Variants in NSUN6 observed in about 807,000 individuals in gnomAD.
NSUN6 encodes the protein tRNA (cytosine(72)-C(5))-methyltransferase NSUN6.
A neutral mutation model predicts 58.0 loss-of-function variants in NSUN6; 64 were observed. The ratio of observed to expected loss-of-function variants is 1.10; its 90% CI spans 0.90 to 1.36. NSUN6 has a LOEUF of 1.36. NSUN6 is among the 40% of genes most tolerant of loss of function. The pLI, the probability that NSUN6 is intolerant of heterozygous loss-of-function variation, is 0.00. For synonymous variants in NSUN6, 231 were observed against 193.9 expected, an observed-to-expected ratio of 1.19 and a Z score of -1.59; for missense variants, 701 against 550.1, an observed-to-expected ratio of 1.27 and a Z score of -2.74.
chr10:18,601,569 A>G (rs923757475), intron 6 of NSUN6, among the ~76,000 whole-genome samples: 1 of 152,178 alleles, frequency 6.6e-6, no homozygotes, highest in Non-Finnish European at 1.5e-5. Context: ...TAGGAGCAGG[A>G]AACAGGGCAC....
At chr10:18,574,927 G>A (rs938256262) in intron 8 of NSUN6, among the ~76,000 whole-genome samples, 5 of 152,048 alleles carry the variant, frequency 3.3e-5, no homozygotes, top group African/African-American at 1.2e-4. Context: ...CAGCAGATCA[G>A]GTAGCCAAGC....
Position 18,651,184 on chromosome 10 carries a change from A to G in NSUN6, c.20T>C (p.Ile7Thr). The G allele has an allele frequency of 6.4e-7, 1 of 1,573,910 alleles. No homozygotes were observed. The change falls in exon 1 of 11, where the codon ATA (isoleucine) becomes ACA (threonine). Residue 7 changes from isoleucine to threonine, a missense_variant. Transcript: ENST00000377304. Reference sequence around the variant, plus strand: ...GTTTTCAACCTCAGGTCTCAAAGATATCTTAGGGAAAATAGACATTTTTCC... The same window carrying G: ...GTTTTCAACCTCAGGTCTCAAAGATGTCTTAGGGAAAATAGACATTTTTCC... MSIFPK[I>T]SLRPEVENYL...
intron 9 of NSUN6, among the ~76,000 whole-genome samples, chr10:18,549,913 T>G (rs528285167): frequency 6.6e-6 from 1 of 152,238 alleles, no homozygotes; most frequent in African/African-American, 2.4e-5. Context: ...CAAAGTAAGA[T>G]GACTATCACC....
chr10:18,641,477 C>T (rs1183063184), intron 3 of NSUN6, among the ~76,000 whole-genome samples: 1 of 151,720 alleles, frequency 6.6e-6, no homozygotes, highest in African/African-American at 2.4e-5. Flanking sequence ...ATGATCCTTC[C>T]ACCTCAGCCT....
At chr10:18,570,697 C>G (rs1381417319) in intron 8 of NSUN6, among the ~76,000 whole-genome samples, 1 of 97,726 alleles carries the variant, frequency 1.0e-5, no homozygotes, top group Non-Finnish European at 2.1e-5. Context: ...TGCTCCATTC[C>G]ATTCCATTCT....
chr10:18,635,205 G>C (rs964925297), intron 3 of NSUN6, among the ~76,000 whole-genome samples: 5 of 152,162 alleles, frequency 3.3e-5, no homozygotes, highest in African/African-American at 4.8e-5. Flanking sequence ...GAGGAATTAA[G>C]CATGTCCTAT....
intron 9 of NSUN6, 133 bp from the exon 10 acceptor site, chr10:18,548,370 C>T: frequency 1.4e-6 from 1 of 740,466 alleles, no homozygotes. Flanking sequence ...ACAAGGATTC[C>T]TTCTGTAATT....
chr10:18,645,619 T>C (rs1417454215), intron 2 of NSUN6, among the ~76,000 whole-genome samples: 2 of 152,244 alleles, frequency 1.3e-5, no homozygotes, highest in Non-Finnish European at 2.9e-5. Flanking sequence ...ATTTTGTTTA[T>C]CTACTTAAGA....
chr10:18,652,889 G>T (rs940357165), upstream of NSUN6: 11 of 984,704 alleles, frequency 1.1e-5, no homozygotes, highest in African/African-American at 5.2e-5. Flanking sequence ...GTAAATCAAG[G>T]TTCCTAGGGT....
At chr10:18,546,955 A>C (rs1470652805) in intron 10 of NSUN6, among the ~76,000 whole-genome samples, 1 of 152,044 alleles carries the variant, frequency 6.6e-6, no homozygotes, top group African/African-American at 2.4e-5. Context: ...AGAAAAAGAA[A>C]AAAGAAAAAA....
chr10:18,546,207 C>T, intron 10 of NSUN6, 62 bp from the exon 11 acceptor site: 2 of 1,127,728 alleles, frequency 1.8e-6, no homozygotes, highest in South Asian at 2.5e-5. Context: ...ATGACTGCTA[C>T]AATTTAAGTT....
intron 3 of NSUN6, among the ~76,000 whole-genome samples, chr10:18,625,281 A>G (rs1297837567): frequency 6.6e-6 from 1 of 152,230 alleles, no homozygotes; most frequent in East Asian, 1.9e-4. Context: ...GATGCAGGTA[A>G]TATCTGTGCC....
At chr10:18,585,759 TTG>T (rs1265737102) in intron 8 of NSUN6, among the ~76,000 whole-genome samples, 188 bp downstream of exon 8, 1 of 151,120 alleles carries the variant, frequency 6.6e-6, no homozygotes, top group African/African-American at 2.4e-5. Flanking sequence ...CTAATGTATT[TTG>T]TGTTTCAAAG....
chr10:18,556,316 A>AATGGAATGGAATAGATT, intron 8 of NSUN6, among the ~76,000 whole-genome samples: 1 of 151,598 alleles, frequency 6.6e-6, no homozygotes, highest in East Asian at 1.9e-4. Context: ...TGCAATGGAG[A>AATGGAATGGAATAGATT]ATGGAATGGG....
At chr10:18,611,965 T>G (rs962629697) in intron 5 of NSUN6, among the ~76,000 whole-genome samples, 1 of 152,146 alleles carries the variant, frequency 6.6e-6, no homozygotes, top group Non-Finnish European at 1.5e-5. Context: ...GTTTACCACT[T>G]GAAATCCATG....
At chr10:18,617,347 C>G (rs771606621) in intron 3 of NSUN6, among the ~76,000 whole-genome samples, 1 of 152,046 alleles carries the variant, frequency 6.6e-6, no homozygotes, top group Non-Finnish European at 1.5e-5. Context: ...GCCACCACAC[C>G]TGGCTAACTT....
intron 3 of NSUN6, among the ~76,000 whole-genome samples, chr10:18,617,090 T>A (rs1043245825): frequency 6.6e-6 from 1 of 151,968 alleles, no homozygotes; most frequent in Non-Finnish European, 1.5e-5. Flanking sequence ...CATGCGACCA[T>A]CTCTACTCAC....
At position 18,648,514 on chromosome 10, in the gene NSUN6, A is replaced by G. The variant is rs768112771; in HGVS notation, c.207T>C (p.Asn69=). 6.2e-7 allele frequency: 1 copy of G among 1,603,330 alleles called. No homozygotes were observed. Among genetic ancestry groups the G allele is most frequent in the East Asian group, 2.2e-5 (1 of 44,674 alleles). The change falls in exon 2 of 11, where the codon AAT becomes AAC. Residue 69 remains asparagine, a synonymous_variant. Transcript: ENST00000377304. The part of the protein sequence containing the change: ...THLASVQHVK[N]LLLDELQKQF... ...CCTTCTGAAGTTCATCAAGTAACAG[A>G]TTTTTCACATGTTGTACTGAGGCTA...
chr10:18,642,216 TG>T (rs34473844), intron 3 of NSUN6, among the ~76,000 whole-genome samples: 2,052 of 150,134 alleles, frequency 0.014, 25 homozygotes, highest in South Asian at 0.054. Context: ...TCACAGAAAG[TG>T]GGGGGGGGAA....
Sources: gnomAD v4.1 joint callset for allele counts (sites outside exome capture counted in the v4.1 genomes callset) on GRCh38, gnomAD v4.1.1 for gene constraint, MANE v1.5 for transcripts, NCBI Gene and HGNC (gene_info 2026-07-23, HGNC 2026-07-21) for gene names.